DRD3: variants seen among roughly 807,000 people sequenced by gnomAD.
The protein encoded by DRD3 is dopamine receptor D3.
Under a neutral mutation model 36.3 loss-of-function variants are expected in DRD3, and 19 were observed. The observed-to-expected ratio is 0.52, with a 90% CI of 0.36 to 0.77. DRD3 has a LOEUF of 0.77. Among genes scored for constraint, DRD3 ranks in the 30% least tolerant of loss-of-function variants. The pLI is 0.00. For missense variants in DRD3, 465 were observed against 505.3 expected (o/e 0.92, Z 0.77); for synonymous variants, 195 against 203.7 (o/e 0.96, Z 0.36).
At chr3:114,131,433 T>G in intron 5 of DRD3, 33 bp from the exon 6 acceptor site, 1 of 1,591,504 alleles carries the variant, frequency 6.3e-7, no homozygotes, top group African/African-American at 1.3e-5. Flanking sequence ...TCTTGACATT[T>G]CTGGGGGTAT....
At chr3:114,186,568 C>T (rs1051095472) in intron 1 of DRD3, among the ~76,000 whole-genome samples, 1 of 152,220 alleles carries the variant, frequency 6.6e-6, no homozygotes, top group Non-Finnish European at 1.5e-5. Context: ...TAGTTCCCCT[C>T]TATTTGGAGG....
chr3:114,128,971 A>G (rs2077402648), intron 6 of DRD3, 59 bp from the exon 7 acceptor site: 10 of 1,463,798 alleles, frequency 6.8e-6, no homozygotes, highest in Non-Finnish European at 8.2e-6. Flanking sequence ...TTTTGTTATA[A>G]CATGAGAATG....
intron 4 of DRD3, among the ~76,000 whole-genome samples, chr3:114,146,183 T>C (rs2077568077): frequency 6.6e-6 from 1 of 152,234 alleles, no homozygotes; most frequent in South Asian, 2.1e-4. Flanking sequence ...TATTTATATG[T>C]AATATGTTAC....
intron 2 of DRD3, among the ~76,000 whole-genome samples, chr3:114,163,610 C>T (rs1369980940): frequency 6.6e-6 from 1 of 152,158 alleles, no homozygotes; most frequent in African/African-American, 2.4e-5. Context: ...TAACTCTATT[C>T]TAATATCATA....
intron 2 of DRD3, among the ~76,000 whole-genome samples, chr3:114,168,917 G>C (rs1424725418): frequency 6.6e-6 from 1 of 151,888 alleles, no homozygotes. Flanking sequence ...AAGCACATGC[G>C]GCTATGAATC....
intron 4 of DRD3, among the ~76,000 whole-genome samples, chr3:114,140,412 C>A (rs898263844): frequency 6.6e-6 from 1 of 152,184 alleles, no homozygotes; most frequent in Non-Finnish European, 1.5e-5. Context: ...GTCCCTCTAG[C>A]TTTGCCTTCT....
rs200825904 is a variant in DRD3 at position 114,131,303 on chromosome 3, C to T, written c.821G>A (p.Gly274Glu). Reference sequence around the variant, plus strand: ...AGTCTTCTCCTCTCTTTTCAACTCTCCTCCTCTTTCTTGGAAGCCTGGTCC... The same window carrying T: ...AGTCTTCTCCTCTCTTTTCAACTCTTCTCCTCTTTCTTGGAAGCCTGGTCC... ...LGGPGFQERG[G>E]ELKREEKTRN... The change falls in exon 6 of 7, where the codon GGA becomes GAA. Residue 274 changes from glycine to glutamate, a missense_variant. Coordinates refer to ENST00000383673, the MANE Select transcript of DRD3 (RefSeq NM_000796.6). 26 of 1,614,094 alleles carry T rather than the reference C, an allele frequency of 1.6e-5. No individual in the cohort carries two copies. Among genetic ancestry groups the T allele is most frequent in the Admixed American group, 3.3e-5 (2 of 59,996 alleles).
At chr3:114,187,379 A>T (rs1354348) in intron 1 of DRD3, among the ~76,000 whole-genome samples, 1 of 152,132 alleles carries the variant, frequency 6.6e-6, no homozygotes, top group East Asian at 1.9e-4. Flanking sequence ...AGCATGTATA[A>T]AGTATATCTG....
At chr3:114,164,667 A>T (rs1369753601) in intron 2 of DRD3, among the ~76,000 whole-genome samples, 2 of 152,252 alleles carry the variant, frequency 1.3e-5, no homozygotes, top group Non-Finnish European at 2.9e-5. Context: ...TTGTTCCTAA[A>T]GCAGGTTTTC....
In DRD3 at chr3:114,134,984, C is replaced by A. The variant is rs923871412; in HGVS notation, c.724-3584G>T. On this transcript the variant is annotated intron_variant, in intron 5 of 6. Coordinates refer to ENST00000383673, the MANE Select transcript of DRD3 (RefSeq NM_000796.6). The stretch of plus-strand genomic sequence containing the variant: ...GAAATATATAAAAACTGTTGTTAAG[C>A]GTAGTCACCCTACTGTGCTATTAGA... 2.6e-5 allele frequency among the ~76,000 whole-genome samples: 4 copies of A among 152,208 alleles called. No homozygotes were observed. In the East Asian group the frequency reaches 7.7e-4, roughly 29 times the overall value.
At chr3:114,185,057 T>C (rs1405149729) in intron 1 of DRD3, among the ~76,000 whole-genome samples, 1 of 152,242 alleles carries the variant, frequency 6.6e-6, no homozygotes, top group Non-Finnish European at 1.5e-5. Context: ...CATAATTCAC[T>C]GTCCTTATAT....
At chr3:114,148,629 ACTGC>A (rs1417360322) in intron 3 of DRD3, among the ~76,000 whole-genome samples, 2 of 152,116 alleles carry the variant, frequency 1.3e-5, no homozygotes, top group African/African-American at 2.4e-5. Context: ...GGTTTCACTG[ACTGC>A]CTTTCTTGAA....
intron 5 of DRD3, among the ~76,000 whole-genome samples, chr3:114,136,949 G>A (rs2654754): frequency 0.89 from 135,177 of 152,252 alleles, 61,402 homozygotes; most frequent in East Asian, 0.99. Context: ...TTCCCTTGAC[G>A]TCTGTTTCCT....
At chr3:114,168,230 G>A (rs78158297) in intron 2 of DRD3, among the ~76,000 whole-genome samples, 2,781 of 152,172 alleles carry the variant, frequency 0.018, 82 homozygotes, top group African/African-American at 0.061. Flanking sequence ...ATCAGCTCAG[G>A]GTGGAAAATG....
chr3:114,172,036 A>G lies in DRD3; in HGVS notation c.-35-9T>C. On this transcript the variant is annotated splice_polypyrimidine_tract_variant and intron_variant, in intron 1 of 6. Transcript: ENST00000383673. ...TGATGCCAAGGGGCTTCCTGTGAGGAGACAGAAAACAATATTAATAAAATC... is the reference window on the plus strand; with the variant it reads ...TGATGCCAAGGGGCTTCCTGTGAGGGGACAGAAAACAATATTAATAAAATC... The G allele has an allele frequency of 2.9e-6, 4 of 1,384,512 alleles. No homozygotes were observed. Among genetic ancestry groups the G allele is most frequent in the Non-Finnish European group, 3.8e-6 (4 of 1,064,314 alleles). 85.8% of individuals were successfully genotyped at this position (1,384,512 alleles called of 1,614,324 possible). A position where few individuals can be genotyped will look rare whatever the true frequency, so the allele number is the denominator to read the frequency against.
intron 1 of DRD3, among the ~76,000 whole-genome samples, chr3:114,184,264 T>C (rs999536697): frequency 1.3e-5 from 2 of 152,192 alleles, no homozygotes; most frequent in Non-Finnish European, 1.5e-5. Context: ...TTCTTCACTC[T>C]TTTTGGTTGT....
intron 2 of DRD3, among the ~76,000 whole-genome samples, chr3:114,160,870 G>A (rs574936560): frequency 2.0e-4 from 19 of 94,364 alleles, no homozygotes; most frequent in African/African-American, 4.8e-4. Context: ...CATGAGGATG[G>A]TTTCAACCTC....
chr3:114,178,487 A>G (rs1041878501), intron 1 of DRD3, among the ~76,000 whole-genome samples, 170 bp downstream of exon 1: 1 of 152,180 alleles, frequency 6.6e-6, no homozygotes, highest in African/African-American at 2.4e-5. Flanking sequence ...CTGCTGTCCA[A>G]CCACTTAGAA....
intron 1 of DRD3, among the ~76,000 whole-genome samples, chr3:114,190,264 T>C (rs925586005): frequency 6.6e-6 from 1 of 151,062 alleles, no homozygotes; most frequent in Non-Finnish European, 1.5e-5. Flanking sequence ...AGCTCTTTCT[T>C]TGCCAAGCAA....
Sources: allele counts gnomAD v4.1 joint callset (sites outside exome capture counted in the v4.1 genomes callset), GRCh38; gene constraint gnomAD v4.1.1; transcripts MANE v1.5; gene names NCBI Gene and HGNC (gene_info 2026-07-23, HGNC 2026-07-21).